TENM1: variants seen among roughly 807,000 people sequenced by gnomAD.
The protein encoded by TENM1 is teneurin transmembrane protein 1.
A neutral mutation model predicts 174.8 loss-of-function variants in TENM1; 35 were observed. The ratio of observed to expected loss-of-function variants is 0.20; its 90% CI spans 0.15 to 0.27. The LOEUF (loss-of-function observed/expected upper bound fraction) is 0.27, where lower values mean the gene tolerates loss of function less well. TENM1 is among the 10% of genes least tolerant of loss of function. The pLI is 1.00. For synonymous variants in TENM1, 781 were observed against 798.7 expected (o/e 0.98, Z 0.37); for missense variants, 1,633 against 2,130.1 (o/e 0.77, Z 4.59).
chrX:124,692,060 T>C (rs1219242702), intron 5 of TENM1, among the ~76,000 whole-genome samples: 1 of 112,314 alleles, frequency 8.9e-6, no homozygotes, highest in Non-Finnish European at 1.9e-5. Context: ...TTGTATTGTT[T>C]CTAACTTATG....
chrX:124,882,257 C>T (rs900604376), intron 3 of TENM1, among the ~76,000 whole-genome samples: 14 of 111,775 alleles, frequency 1.3e-4, no homozygotes, highest in African/African-American at 4.6e-4. Context: ...CTTGTTGAGT[C>T]GTGTTTTGTG....
At chrX:124,632,452 G>A (rs948279428) in intron 11 of TENM1, among the ~76,000 whole-genome samples, 1 of 111,283 alleles carries the variant, frequency 9.0e-6, no homozygotes, top group African/African-American at 3.3e-5. Context: ...CTTTATAGCA[G>A]ACTCAACTAC....
chrX:125,110,197 G>A, the TENM1 span, among the ~76,000 whole-genome samples: 6 of 111,459 alleles, frequency 5.4e-5, no homozygotes, highest in African/African-American at 2.0e-4. Context: ...AATTGAGAAA[G>A]CAAAGAATTA....
At chrX:124,475,178 G>A (rs2061373898) in intron 22 of TENM1, among the ~76,000 whole-genome samples, 1 of 110,370 alleles carries the variant, frequency 9.1e-6, no homozygotes, top group African/African-American at 3.3e-5. Flanking sequence ...GAACACGGAG[G>A]CTATCAAGAT....
At chrX:124,581,421 T>G (rs1002876467) in intron 11 of TENM1, among the ~76,000 whole-genome samples, 5 of 73,642 alleles carry the variant, frequency 6.8e-5, no homozygotes, top group African/African-American at 2.6e-4. Flanking sequence ...GTACCACATT[T>G]TCTTTATCCA....
chrX:124,979,401 AT>A, the TENM1 span, among the ~76,000 whole-genome samples: 1 of 111,992 alleles, frequency 8.9e-6, no homozygotes, highest in African/African-American at 3.2e-5. Context: ...TAATGGCAGG[AT>A]TTTATAGAAG....
chrX:124,389,537 T>C (rs1423451504), intron 28 of TENM1, among the ~76,000 whole-genome samples: 1 of 111,882 alleles, frequency 8.9e-6, no homozygotes, highest in Non-Finnish European at 1.9e-5. Flanking sequence ...ACATGGGATT[T>C]TGGTAAATTC....
At chrX:124,874,541 T>C (rs1211516079) in intron 3 of TENM1, among the ~76,000 whole-genome samples, 1 of 110,706 alleles carries the variant, frequency 9.0e-6, no homozygotes, top group Non-Finnish European at 1.9e-5. Context: ...TATACATATG[T>C]ATATAATTTT....
At chrX:124,812,533 CT>C (rs1249681845) in intron 3 of TENM1, among the ~76,000 whole-genome samples, 4 of 111,038 alleles carry the variant, frequency 3.6e-5, no homozygotes, top group African/African-American at 1.3e-4. Context: ...AACTTGATAA[CT>C]TTTTATAAAT....
the TENM1 span, among the ~76,000 whole-genome samples, chrX:125,053,791 G>A: frequency 9.0e-6 from 1 of 111,172 alleles, no homozygotes; most frequent in South Asian, 3.8e-4. Context: ...TTAAATGGGT[G>A]GTAATATGAT....
In TENM1 at chrX:124,420,841, T is replaced by G. The variant is rs1389631488; in HGVS notation, c.4472-20A>C. 1 of 1,189,992 alleles carries G rather than the reference T, an allele frequency of 8.4e-7. No individual in the cohort carries two copies. The highest frequency in any genetic ancestry group is 1.8e-5 in the African/African-American group (1 of 56,730). On this transcript the variant is annotated intron_variant, in intron 24 of 31. Coordinates refer to ENST00000422452, the Ensembl canonical transcript of TENM1. ...CATCACCTGTGGGAGAAAGACTTGA[T>G]TTTAACAATTGGCATCATAAGCATT...
intron 4 of TENM1, among the ~76,000 whole-genome samples, chrX:124,717,451 T>C (rs5956682): frequency 0.036 from 4,033 of 111,578 alleles, 181 homozygotes; most frequent in African/African-American, 0.12. Flanking sequence ...TGCAAGGTCA[T>C]GTTGAGCCAG....
At chrX:124,534,652 C>G (rs763374543) in intron 15 of TENM1, among the ~76,000 whole-genome samples, 23 of 111,812 alleles carry the variant, frequency 2.1e-4, no homozygotes, top group African/African-American at 6.8e-4. Context: ...AAGGACCTAG[C>G]CAGCAGGGGA....
intron 16 of TENM1, among the ~76,000 whole-genome samples, chrX:124,526,854 C>T (rs981264626): frequency 1.2e-4 from 13 of 112,199 alleles, no homozygotes; most frequent in Admixed American, 5.6e-4. Context: ...GTCTTCAGAA[C>T]AAAGTTCTTG....
chrX:124,537,760 T>A, intron 15 of TENM1, among the ~76,000 whole-genome samples: 1 of 112,040 alleles, frequency 8.9e-6, no homozygotes, highest in South Asian at 3.7e-4. Context: ...CAGAACCAGC[T>A]AGAGAGTCAT....
chrX:124,996,723 T>TA, the TENM1 span, among the ~76,000 whole-genome samples: 2 of 111,156 alleles, frequency 1.8e-5, no homozygotes, highest in African/African-American at 6.5e-5. Context: ...TACAGCAGGC[T>TA]AATCAACCTC....
chrX:124,421,541 T>C (rs766018164), intron 24 of TENM1, among the ~76,000 whole-genome samples: 1 of 111,022 alleles, frequency 9.0e-6, no homozygotes, highest in African/African-American at 3.3e-5. Context: ...ATCCCAGCAA[T>C]AATTGTATCT....
At chrX:124,746,902 T>A (rs2053932650) in intron 3 of TENM1, among the ~76,000 whole-genome samples, 1 of 110,747 alleles carries the variant, frequency 9.0e-6, no homozygotes, top group Admixed American at 9.7e-5. Context: ...CTGAGGCAGG[T>A]GGATCACCTG....
chrX:124,398,505 A>C (rs764660084), intron 27 of TENM1, among the ~76,000 whole-genome samples: 14 of 111,810 alleles, frequency 1.3e-4, no homozygotes, highest in African/African-American at 4.5e-4. Flanking sequence ...TTTTTGAAAG[A>C]GAACTAAACT....
Sources: allele counts gnomAD v4.1 joint callset (sites outside exome capture counted in the v4.1 genomes callset), GRCh38; gene constraint gnomAD v4.1.1; transcripts MANE v1.5; gene names NCBI Gene and HGNC (gene_info 2026-07-23, HGNC 2026-07-21).